Variants in KIF17 observed in about 807,000 individuals in gnomAD.
KIF17 encodes kinesin-like protein KIF17.
A neutral mutation model predicts 96.8 loss-of-function variants in KIF17; 80 were observed. The observed-to-expected ratio is 0.83, with a 90% CI of 0.69 to 1.00. The LOEUF (loss-of-function observed/expected upper bound fraction) is 1.00. Ranked by LOEUF, KIF17 falls within the 50% of genes least tolerant of loss-of-function variation. KIF17 has a pLI of 0.00. For synonymous variants in KIF17, 567 were observed against 587.5 expected (o/e 0.97, Z 0.51); for missense variants, 1,280 against 1,372.9 (o/e 0.93, Z 1.07).
intron 2 of KIF17, among the ~76,000 whole-genome samples, chr1:20,715,183 C>T (rs920063140): frequency 4.6e-5 from 7 of 152,178 alleles, no homozygotes; most frequent in African/African-American, 1.7e-4. Context: ...TGGTCCATAA[C>T]AATTGCTCAA....
chr1:20,712,625 A>T (rs1217945018), intron 3 of KIF17, among the ~76,000 whole-genome samples: 3 of 43,326 alleles, frequency 6.9e-5, no homozygotes, highest in East Asian at 2.9e-4. Flanking sequence ...TAATATAGAT[A>T]ATATCTATAT....
intron 1 of KIF17, chr1:20,717,201 C>G: frequency 2.0e-6 from 1 of 500,012 alleles, no homozygotes; most frequent in South Asian, 2.5e-5. Flanking sequence ...TGGTGGCAGG[C>G]ACCTGTAATC....
At position 20,715,352 on chromosome 1, in the gene KIF17, T is replaced by G. The variant is rs892217192; in HGVS notation, c.378+141A>C. 3.5e-6 allele frequency: 4 copies of G among 1,129,666 alleles called. No individual in the cohort carries two copies. The African/African-American group carries it at 6.2e-5, about 17-fold the overall frequency. The allele number at this position is 1,129,666 out of a possible 1,614,324, so 70.0% of individuals were successfully genotyped here. On this transcript the variant is annotated intron_variant, in intron 2 of 14. Transcript: ENST00000400463. ...TTCTAAGTTTTTTTCCCACCACCTT[T>G]TCAGAACCCAGAGCCTTCTCTGCTG...
At position 20,704,355 on chromosome 1, in the gene KIF17, T is replaced by G; in HGVS notation, c.1123+92A>C. ...TGGGAGGATGCTGCTCCCACTGTCT[T>G]TTAGGTGGGAAGTTGGAGGCGAGAA... On this transcript the variant is annotated intron_variant, in intron 5 of 14. Coordinates refer to ENST00000400463, the MANE Select transcript of KIF17 (RefSeq NM_001122819.3). The surrounding 1 kb of genome is among the most constrained non-coding windows in gnomAD (Gnocchi z 6.8). 1 of 1,062,688 alleles carries G rather than the reference T, an allele frequency of 9.4e-7. No individual in the cohort carries two copies. The highest frequency in any genetic ancestry group is 1.4e-6 in the Non-Finnish European group (1 of 709,610). 65.8% of individuals were successfully genotyped at this position (1,062,688 alleles called of 1,614,324 possible). A position where few individuals can be genotyped will look rare whatever the true frequency, so the allele number is the denominator to read the frequency against.
Position 20,685,766 on chromosome 1 carries a change from T to TG in KIF17, c.2019+279dup, listed in dbSNP as rs1334501351. ...TGCAGCCCTCGTCCTTTGCACACAC[T>TG]GGGCCTCAATTCCTTTACACAAAGG... On this transcript the variant is annotated intron_variant, in intron 9 of 14. Transcript: ENST00000400463. This position sits in a 1 kb window ranked among gnomAD's most constrained non-coding sequence, Gnocchi z 4.1. 6.6e-6 allele frequency among the ~76,000 whole-genome samples: 1 copy of TG among 152,198 alleles called. No homozygotes were observed. Among genetic ancestry groups the TG allele is most frequent in the Non-Finnish European group, 1.5e-5 (1 of 68,042 alleles).
rs1570467644 is a variant in KIF17, at chr1:20,700,000, A to G, written c.1124-1512T>C. On this transcript the variant is annotated intron_variant, in intron 5 of 14. Transcript: ENST00000400463. The surrounding 1 kb of genome is among the most constrained non-coding windows in gnomAD (Gnocchi z 4.3). ...GGGAACCAGGGTTAGGCACGAGGAGACCCGTTGCGGGGGCGTGCAGAAACT... is the reference window on the plus strand; with the variant it reads ...GGGAACCAGGGTTAGGCACGAGGAGGCCCGTTGCGGGGGCGTGCAGAAACT... Among the ~76,000 whole-genome samples the G allele has an allele frequency of 6.6e-6, 1 of 151,976 alleles. No homozygotes were observed. Among genetic ancestry groups the G allele is most frequent in the Non-Finnish European group, 1.5e-5 (1 of 67,980 alleles).
intron 11 of KIF17, among the ~76,000 whole-genome samples, chr1:20,679,251 C>A (rs950053109): frequency 6.6e-6 from 1 of 151,882 alleles, no homozygotes; most frequent in South Asian, 2.1e-4. Context: ...CGTAACACAG[C>A]AAGACCCCCA....
chr1:20,682,389 T>C (rs2053845063), intron 11 of KIF17, among the ~76,000 whole-genome samples: 1 of 152,070 alleles, frequency 6.6e-6, no homozygotes, highest in Non-Finnish European at 1.5e-5. Context: ...CCAGGTGTGG[T>C]GGTGCACATC....
intron 5 of KIF17, among the ~76,000 whole-genome samples, chr1:20,701,137 T>A (rs775993626): frequency 4.6e-5 from 7 of 152,126 alleles, no homozygotes; most frequent in Admixed American, 2.0e-4. Flanking sequence ...GTCACCTTTA[T>A]AAATTAAGAC....
Position 20,692,372 on chromosome 1 carries a change from G to A in KIF17, c.1234-2037C>T, listed in dbSNP as rs573791154. ...TTTTTTCCTCTGGAGACAGAGTATC[G>A]CTCTGTCACCTGGGCTGGAGTGCAG... On this transcript the variant is annotated intron_variant, in intron 6 of 14. Coordinates refer to ENST00000400463, the MANE Select transcript of KIF17 (RefSeq NM_001122819.3). 3.3e-4 allele frequency among the ~76,000 whole-genome samples: 50 copies of A among 150,530 alleles called. 2 individuals carry two copies. In the East Asian group the frequency reaches 4.1e-3, roughly 12 times the overall value.
intron 7 of KIF17, among the ~76,000 whole-genome samples, chr1:20,688,723 G>A (rs1418346458): frequency 6.6e-6 from 1 of 152,226 alleles, no homozygotes; most frequent in Non-Finnish European, 1.5e-5. Flanking sequence ...AGATCCACGG[G>A]AGCTAAATGA....
chr1:20,670,410 G>A lies in KIF17; in HGVS notation c.2790+11C>T, dbSNP rs775523392. 1.1e-5 allele frequency: 18 copies of A among 1,613,032 alleles called. No individual in the cohort carries two copies. Among genetic ancestry groups the A allele is most frequent in the Admixed American group, 1.7e-5 (1 of 60,010 alleles). ...CCCCCGACACCCCACTCCCTCTCCC[G>A]CGGTCCTCACCATGTTCGGCTCGCC... is the stretch of plus-strand genomic sequence containing the variant. On this transcript the variant is annotated intron_variant, in intron 13 of 14. Transcript: ENST00000400463.
downstream of KIF17, among the ~76,000 whole-genome samples, chr1:20,662,391 G>A (rs1458668969): frequency 6.6e-6 from 1 of 152,204 alleles, no homozygotes; most frequent in Non-Finnish European, 1.5e-5. Flanking sequence ...GACGGCAACT[G>A]TAGAGACAGA....
chr1:20,682,762 A>G lies in KIF17; in HGVS notation c.2354T>C (p.Leu785Pro), dbSNP rs773263008. The change falls in exon 11 of 15, where the codon CTG (leucine) becomes CCG (proline). Residue 785 changes from leucine (L) to proline (P), a missense_variant. Transcript: ENST00000400463. ...DERRKQLVAALQNSDEDSGDW... is the reference protein window; with the variant it reads ...DERRKQLVAAPQNSDEDSGDW... ...CCCGCTGTCCTCATCCGAGTTCTGC[A>G]GGGCAGCCACCAGCTGCTTCCTGCG... is the stretch of plus-strand genomic sequence containing the variant. 1.7e-5 allele frequency: 28 copies of G among 1,613,096 alleles called. No homozygotes were observed. The highest frequency in any genetic ancestry group is 8.5e-7 in the Non-Finnish European group (1 of 1,180,046).
At chr1:20,707,514 T>G (rs1338313595) in intron 4 of KIF17, among the ~76,000 whole-genome samples, 1 of 152,006 alleles carries the variant, frequency 6.6e-6, no homozygotes, top group Non-Finnish European at 1.5e-5. Context: ...GTGGCTCATG[T>G]CTGTAATCCC....
rs186942129 is a variant in KIF17, at chr1:20,664,971, G to A, written c.2909-209C>T. Among the ~76,000 whole-genome samples, 401 of 152,244 alleles carry A rather than the reference G, an allele frequency of 2.6e-3. 2 individuals are homozygous for A. Among genetic ancestry groups the A allele is most frequent in the African/African-American group, 9.5e-3 (393 of 41,532 alleles). On this transcript the variant is annotated intron_variant, in intron 14 of 14. Transcript: ENST00000400463. ...CAGCAACTATGTCTGCATCCAAAGAGGCTGGGCTGGGGAGCTGGGGTTTTA... is the reference window on the plus strand; with the variant it reads ...CAGCAACTATGTCTGCATCCAAAGAAGCTGGGCTGGGGAGCTGGGGTTTTA...
chr1:20,713,440 G>T lies in KIF17; in HGVS notation c.480+14C>A, dbSNP rs750252862. The T allele has an allele frequency of 6.2e-7, 1 of 1,601,182 alleles. No homozygotes were observed. The highest frequency in any genetic ancestry group is 8.6e-7 in the Non-Finnish European group (1 of 1,169,422). ...CCTACCAGCCCCACCTGCCCACAAT[G>T]GGTCTGCACCCACCTCCAGCTTCTG... On this transcript the variant is annotated intron_variant, in intron 3 of 14. Transcript: ENST00000400463.
chr1:20,703,581 T>C (rs1404944522), intron 5 of KIF17, among the ~76,000 whole-genome samples: 1 of 150,136 alleles, frequency 6.7e-6, no homozygotes, highest in Non-Finnish European at 1.5e-5. Context: ...TGCAGATGGA[T>C]AAGTAATGGG....
intron 6 of KIF17, among the ~76,000 whole-genome samples, chr1:20,695,382 T>G (rs2054118838): frequency 6.6e-6 from 1 of 152,188 alleles, no homozygotes; most frequent in Admixed American, 6.5e-5. Flanking sequence ...GAGACGGGGT[T>G]TCGCCATGTT....
Sources: gnomAD v4.1 joint callset for allele counts (sites outside exome capture counted in the v4.1 genomes callset) on GRCh38, gnomAD v4.1.1 for gene constraint, Gnocchi (gnomAD v3.1) non-coding constraint, MANE v1.5 for transcripts, NCBI Gene and HGNC (gene_info 2026-07-23, HGNC 2026-07-21) for gene names.